The following PRP4K variants were observed in gnomAD, a reference collection of about 807,000 sequenced individuals.
PRP4K encodes pre-mRNA processing factor kinase PRP4K, also known as serine/threonine-protein kinase PRP4 homolog.
the PRP4K span, among the ~76,000 whole-genome samples, chr6:4,025,602 A>C: frequency 0.17 from 25,949 of 152,148 alleles, 2,632 homozygotes; most frequent in African/African-American, 0.26. Context: ...ATTAATTTAC[A>C]ATGGAAACTA....
chr6:4,058,629 C>A, the PRP4K span: 3 of 896,182 alleles, frequency 3.3e-6, no homozygotes, highest in Admixed American at 7.1e-5. Context: ...CCTACAGAGA[C>A]TAAATAACAT....
At chr6:4,032,051 T>G in the PRP4K span, 3 of 1,613,972 alleles carry the variant, frequency 1.9e-6, no homozygotes, top group Middle Eastern at 1.6e-4. Context: ...ACAATAAAAT[T>G]ACTACAAAGA....
chr6:4,038,013 A>G, the PRP4K span, among the ~76,000 whole-genome samples: 1 of 152,162 alleles, frequency 6.6e-6, no homozygotes, highest in South Asian at 2.1e-4. Context: ...TCTGAAGCAT[A>G]TGTAGTCAGT....
the PRP4K span, among the ~76,000 whole-genome samples, chr6:4,033,936 G>T: frequency 1.3e-5 from 2 of 151,854 alleles, no homozygotes; most frequent in Non-Finnish European, 2.9e-5. Flanking sequence ...AGTTTGCTTT[G>T]TTTGAAGAGC....
the PRP4K span, chr6:4,060,673 A>C: frequency 6.9e-7 from 1 of 1,442,110 alleles, no homozygotes; most frequent in South Asian, 1.3e-5. The surrounding 1 kb of genome is among the most constrained non-coding windows in gnomAD (Gnocchi z 4.7). Context: ...GAAATTTCAC[A>C]GCAGTTTATT....
At chr6:4,059,456 T>C in the PRP4K span, among the ~76,000 whole-genome samples, 1 of 152,196 alleles carries the variant, frequency 6.6e-6, no homozygotes, top group Non-Finnish European at 1.5e-5. Context: ...ATTGAAGTAA[T>C]GATTTCCTTA....
the PRP4K span, chr6:4,032,812 A>G: frequency 7.0e-7 from 1 of 1,428,866 alleles, no homozygotes; most frequent in Non-Finnish European, 9.2e-7. Flanking sequence ...TTTAAACGGA[A>G]AACTAGAACT....
the PRP4K span, among the ~76,000 whole-genome samples, chr6:4,056,092 C>G: frequency 6.6e-6 from 1 of 150,432 alleles, no homozygotes; most frequent in South Asian, 2.1e-4. Context: ...TTTGTGATAT[C>G]CATTTCCTCA....
chr6:4,040,631 C>A, the PRP4K span: 1 of 880,208 alleles, frequency 1.1e-6, no homozygotes, highest in Non-Finnish European at 1.7e-6. Flanking sequence ...AAAAAATAGA[C>A]TATATTTTAG....
the PRP4K span, among the ~76,000 whole-genome samples, chr6:4,054,204 G>A: frequency 6.6e-6 from 1 of 152,000 alleles, no homozygotes; most frequent in Non-Finnish European, 1.5e-5. Flanking sequence ...GCTTGGCCAA[G>A]ATAAATTCTT....
At chr6:4,039,758 A>G in the PRP4K span, among the ~76,000 whole-genome samples, 1 of 152,134 alleles carries the variant, frequency 6.6e-6, no homozygotes, top group Non-Finnish European at 1.5e-5. Context: ...CAATTTGCAC[A>G]TTCTAAGATT....
chr6:4,052,177 G>C, the PRP4K span: 1 of 1,402,890 alleles, frequency 7.1e-7, no homozygotes, highest in East Asian at 2.5e-5. Flanking sequence ...TGCTGTAACA[G>C]ATTTTCTGCG....
chr6:4,023,492 C>T, the PRP4K span, among the ~76,000 whole-genome samples: 1 of 152,198 alleles, frequency 6.6e-6, no homozygotes, highest in Non-Finnish European at 1.5e-5. Flanking sequence ...GTCTGGCCTC[C>T]CACTATACAA....
chr6:4,029,691 C>T, the PRP4K span, among the ~76,000 whole-genome samples: 3 of 151,982 alleles, frequency 2.0e-5, no homozygotes, highest in Middle Eastern at 3.4e-3. Context: ...TCTCAGTAAA[C>T]GTTTCTTCTT....
chr6:4,034,819 T>C, the PRP4K span, among the ~76,000 whole-genome samples: 1 of 151,796 alleles, frequency 6.6e-6, no homozygotes, highest in South Asian at 2.1e-4. Context: ...TTCAAGCGAT[T>C]CTCCTGCCTC....
At chr6:4,056,868 C>G in the PRP4K span, 901 of 1,066,414 alleles carry the variant, frequency 8.4e-4, 1 homozygote, top group Non-Finnish European at 1.1e-3. Flanking sequence ...GTTTGAGTCT[C>G]TATTAAGAAT....
chr6:4,056,898 A>G, the PRP4K span: 1 of 1,101,186 alleles, frequency 9.1e-7, no homozygotes, highest in African/African-American at 1.6e-5. Context: ...AGAACACAAA[A>G]CTAATTGTCA....
the PRP4K span, chr6:4,060,476 T>A: frequency 6.2e-7 from 1 of 1,613,896 alleles, no homozygotes; most frequent in Non-Finnish European, 8.5e-7. This position sits in a 1 kb window ranked among gnomAD's most constrained non-coding sequence, Gnocchi z 4.7. Flanking sequence ...CTTGATTGGG[T>A]GCCAGAGACT....
the PRP4K span, chr6:4,058,956 A>T: frequency 1.7e-6 from 1 of 572,978 alleles, no homozygotes; most frequent in African/African-American, 1.9e-5. Context: ...TAAATAAAAC[A>T]CATCAGACCA....
Sources: allele counts gnomAD v4.1 joint callset (sites outside exome capture counted in the v4.1 genomes callset), GRCh38; gene constraint gnomAD v4.1.1; non-coding constraint Gnocchi (gnomAD v3.1); transcripts MANE v1.5; gene names NCBI Gene and HGNC (gene_info 2026-07-23, HGNC 2026-07-21).